The following NHSL2 variants were observed in gnomAD, a reference collection of about 807,000 sequenced individuals.
NHSL2 encodes the protein NHS like 2.
NHSL2 carries 27 observed loss-of-function variants against 53.4 expected under a neutral mutation model. The observed-to-expected ratio is 0.51, with a 90% CI of 0.37 to 0.70. The LOEUF (loss-of-function observed/expected upper bound fraction) is 0.70, where lower values mean the gene tolerates loss of function less well. NHSL2 is among the 30% of genes least tolerant of loss of function. NHSL2 has a pLI of 0.00. For synonymous variants in NHSL2, 408 were observed against 404.1 expected (o/e 1.01, Z -0.12); for missense variants, 892 against 980.1 (o/e 0.91, Z 1.20).
rs749639134 is a variant in NHSL2, at chrX:71,941,387, AGTCAGC to A, written c.280+30025_280+30030del. On this transcript the variant is annotated intron_variant, in intron 1 of 7. Transcript: ENST00000633930. ...TGAGTCAGGGATCTATGTCTGGTCC[AGTCAGC>A]GTCAACATCTTTCAGAAGGTTTTGT... is the stretch of plus-strand genomic sequence containing the variant. 2.6e-3 allele frequency among the ~76,000 whole-genome samples: 288 copies of A among 111,619 alleles called. 3 individuals carry two copies. The Admixed American group carries it at 0.026, about 10-fold the overall frequency.
At chrX:72,101,316 G>T (rs1204313457) in intron 1 of NHSL2, among the ~76,000 whole-genome samples, 1 of 110,670 alleles carries the variant, frequency 9.0e-6, no homozygotes, top group Non-Finnish European at 1.9e-5. Context: ...GTGTCTGGGT[G>T]GGTGTCGGCA....
At chrX:71,949,611 A>G (rs1370696905) in intron 1 of NHSL2, among the ~76,000 whole-genome samples, 2 of 111,795 alleles carry the variant, frequency 1.8e-5, no homozygotes, top group Non-Finnish European at 3.8e-5. Flanking sequence ...CTCCCCCACC[A>G]CAGCCCAAAG....
intron 1 of NHSL2, among the ~76,000 whole-genome samples, chrX:72,035,109 C>T (rs1386896532): frequency 8.9e-6 from 1 of 112,118 alleles, no homozygotes; most frequent in African/African-American, 3.2e-5. Flanking sequence ...TAATTTTCAT[C>T]CAGTCCAATA....
chrX:71,963,982 T>C lies in NHSL2; in HGVS notation c.280+52615T>C, dbSNP rs914253163. ...ATACACATATATATATACATATATATATATATATATGTATATACATATATA... is the reference window on the plus strand; with the variant it reads ...ATACACATATATATATACATATATACATATATATATGTATATACATATATA... On this transcript the variant is annotated intron_variant, in intron 1 of 7. Coordinates refer to ENST00000633930, the MANE Select transcript of NHSL2 (RefSeq NM_001013627.3). Among the ~76,000 whole-genome samples the C allele has an allele frequency of 6.4e-4, 41 of 64,238 alleles. 2 individuals carry two copies. The highest frequency in any genetic ancestry group is 4.9e-3 in the East Asian group (7 of 1,424). 55.8% of individuals were successfully genotyped at this position (64,238 alleles called of 115,157 possible). A position where few individuals can be genotyped will look rare whatever the true frequency, so the allele number is the denominator to read the frequency against.
chrX:71,925,830 T>G (rs773412564), intron 1 of NHSL2, among the ~76,000 whole-genome samples: 16 of 111,985 alleles, frequency 1.4e-4, no homozygotes, highest in Non-Finnish European at 2.8e-4. Context: ...TTTAGAGTTA[T>G]GGAGTAAGTT....
At chrX:71,975,434 G>T (rs2041943999) in intron 1 of NHSL2, among the ~76,000 whole-genome samples, 1 of 110,840 alleles carries the variant, frequency 9.0e-6, no homozygotes. Flanking sequence ...CCCCACACTT[G>T]TCTCTCCGTC....
intron 2 of NHSL2, among the ~76,000 whole-genome samples, chrX:72,132,930 C>T (rs1004099478): frequency 4.5e-5 from 5 of 111,747 alleles, no homozygotes; most frequent in Non-Finnish European, 9.4e-5. Context: ...ACTCTAATGG[C>T]GAATAGAAAA....
In NHSL2 at chrX:72,152,357, GCACACACACA is replaced by G. The variant is rs59980083; in HGVS notation, c.*8808_*8817del. On this transcript the variant is annotated 3_prime_UTR_variant, in exon 8 of 8. Coordinates refer to ENST00000633930, the MANE Select transcript of NHSL2 (RefSeq NM_001013627.3). ...TACATGCGTGTGTGCATGCGCGCGC[GCACACACACA>G]CACACACACACACACACACACACAG... The G allele has an allele frequency of 6.3e-4, 6 of 9,503 alleles. No individual in the cohort carries two copies. The highest frequency in any genetic ancestry group is 0.059 in the South Asian group (1 of 17). The allele number at this position is 9,503 out of a possible 1,213,427, so 0.8% of individuals were successfully genotyped here. A position where few individuals can be genotyped will look rare whatever the true frequency, so the allele number is the denominator to read the frequency against.
chrX:71,963,979 A>ATATG (rs1569467033), intron 1 of NHSL2, among the ~76,000 whole-genome samples: 12 of 52,045 alleles, frequency 2.3e-4, no homozygotes, highest in Non-Finnish European at 3.6e-4. Flanking sequence ...ATATACATAT[A>ATATG]TATATATATA....
At chrX:72,005,363 G>C (rs942245761) in intron 1 of NHSL2, among the ~76,000 whole-genome samples, 1 of 112,397 alleles carries the variant, frequency 8.9e-6, no homozygotes, top group African/African-American at 3.2e-5. Flanking sequence ...TAGAGTCCCT[G>C]CCTCATTGAG....
At chrX:72,137,908 C>T (rs1189975400) in intron 5 of NHSL2, among the ~76,000 whole-genome samples, 3 of 111,687 alleles carry the variant, frequency 2.7e-5, no homozygotes, top group Admixed American at 9.5e-5. Context: ...GGATTTGGAA[C>T]ATCCAAACGG....
At position 72,132,249 on chromosome X, in the gene NHSL2, G is replaced by C. The variant is rs1352094666; in HGVS notation, c.436+15G>C. 4 of 1,141,762 alleles carry C rather than the reference G, an allele frequency of 3.5e-6. No individual in the cohort carries two copies. The highest frequency in any genetic ancestry group is 3.4e-5 in the East Asian group (1 of 29,250). The allele number at this position is 1,141,762 out of a possible 1,213,427, so 94.1% of individuals were successfully genotyped here. A position where few individuals can be genotyped will look rare whatever the true frequency, so the allele number is the denominator to read the frequency against. ...CCTGTTGCAAGGTACCGAGAGGGAGGGGGGCTGCGGCCGGAGCCCAGAAGC... is the reference window on the plus strand; with the variant it reads ...CCTGTTGCAAGGTACCGAGAGGGAGCGGGGCTGCGGCCGGAGCCCAGAAGC... On this transcript the variant is annotated intron_variant, in intron 2 of 7. Coordinates refer to ENST00000633930, the MANE Select transcript of NHSL2 (RefSeq NM_001013627.3).
chrX:72,001,885 T>C (rs2042074248), intron 1 of NHSL2, among the ~76,000 whole-genome samples: 1 of 112,758 alleles, frequency 8.9e-6, no homozygotes, highest in African/African-American at 3.2e-5. Context: ...TAGGACTTAT[T>C]GTCAGCAGCA....
At chrX:72,022,904 A>G (rs927605955) in intron 1 of NHSL2, among the ~76,000 whole-genome samples, 1 of 111,354 alleles carries the variant, frequency 9.0e-6, no homozygotes, top group Middle Eastern at 4.7e-3. Context: ...TGGATACAGT[A>G]CCCCAGGTCC....
At chrX:72,076,632 A>G (rs1024875315) in intron 1 of NHSL2, among the ~76,000 whole-genome samples, 2 of 111,951 alleles carry the variant, frequency 1.8e-5, no homozygotes, top group Non-Finnish European at 1.9e-5. Flanking sequence ...AGGCTCTGAC[A>G]TTGAAAAGAG....
chrX:72,122,091 ATTGTTTGCCT>A (rs755034707), intron 1 of NHSL2, among the ~76,000 whole-genome samples: 1 of 112,358 alleles, frequency 8.9e-6, no homozygotes, highest in Admixed American at 9.4e-5. Context: ...TTTCGGTATG[ATTGTTTGCCT>A]TTGTGATTCT....
At chrX:72,101,728 A>G (rs1313175181) in intron 1 of NHSL2, among the ~76,000 whole-genome samples, 1 of 110,127 alleles carries the variant, frequency 9.1e-6, no homozygotes, top group African/African-American at 3.3e-5. Flanking sequence ...TACCAGGCCG[A>G]GGAGTGGAAC....
intron 1 of NHSL2, among the ~76,000 whole-genome samples, chrX:71,962,131 A>G (rs910768988): frequency 5.4e-5 from 6 of 111,930 alleles, no homozygotes; most frequent in Non-Finnish European, 1.1e-4. Flanking sequence ...ATTGATTTTC[A>G]TATGTTAAAC....
intron 1 of NHSL2, among the ~76,000 whole-genome samples, chrX:72,069,266 G>C (rs1453834266): frequency 2.7e-5 from 3 of 111,184 alleles, no homozygotes; most frequent in Admixed American, 1.9e-4. Context: ...CGGGTCCCGG[G>C]GGGTGCCTGT....
Sources: allele counts gnomAD v4.1 joint callset (sites outside exome capture counted in the v4.1 genomes callset), GRCh38; gene constraint gnomAD v4.1.1; transcripts MANE v1.5; gene names NCBI Gene and HGNC (gene_info 2026-07-23, HGNC 2026-07-21).